The following EYA1 variants were observed in gnomAD, a reference collection of about 807,000 sequenced individuals.
EYA1 encodes the protein EYA transcriptional coactivator and phosphatase 1.
In EYA1, 16 loss-of-function variants were observed where a neutral mutation model predicts 82.0. The ratio of observed to expected loss-of-function variants is 0.20; its 90% CI spans 0.13 to 0.30. The LOEUF is 0.30. Among genes scored for constraint, EYA1 ranks in the 10% least tolerant of loss-of-function variants. The pLI, the probability that EYA1 is intolerant of heterozygous loss-of-function variation, is 1.00. For missense variants in EYA1, 633 were observed against 730.7 expected (o/e 0.87, Z 1.54); for synonymous variants, 261 against 264.4 (o/e 0.99, Z 0.12).
intron 2 of EYA1, among the ~76,000 whole-genome samples, chr8:71,409,951 T>G (rs943106585): frequency 6.9e-6 from 1 of 145,326 alleles, no homozygotes; most frequent in African/African-American, 2.5e-5. Flanking sequence ...ATATCCTTGA[T>G]GAACATTGAT....
At chr8:71,478,426 T>TA (rs1465924957) in intron 2 of EYA1, among the ~76,000 whole-genome samples, 1 of 151,882 alleles carries the variant, frequency 6.6e-6, no homozygotes, top group Non-Finnish European at 1.5e-5. Context: ...AACAGAGAGG[T>TA]AAAAAACAGA....
At chr8:71,412,228 G>T (rs1304694685) in intron 2 of EYA1, among the ~76,000 whole-genome samples, 23 of 112,204 alleles carry the variant, frequency 2.0e-4, no homozygotes, top group African/African-American at 7.7e-4. Flanking sequence ...GGGGACTGTG[G>T]TGGGGTGGGG....
At chr8:71,510,279 G>A (rs1304603007) in intron 2 of EYA1, among the ~76,000 whole-genome samples, 1 of 152,252 alleles carries the variant, frequency 6.6e-6, no homozygotes, top group South Asian at 2.1e-4. Context: ...AAACACAGCT[G>A]TCCAGCTGAA....
intron 12 of EYA1, among the ~76,000 whole-genome samples, chr8:71,223,502 T>C (rs979125701): frequency 6.6e-6 from 1 of 152,172 alleles, no homozygotes; most frequent in African/African-American, 2.4e-5. Flanking sequence ...GGAGCTGGAT[T>C]ATAAAATGCT....
intron 2 of EYA1, among the ~76,000 whole-genome samples, chr8:71,391,915 T>C (rs4421379): frequency 0.052 from 7,985 of 152,268 alleles, 555 homozygotes; most frequent in African/African-American, 0.16. Context: ...ACTTTCTCCT[T>C]TCTAGAATCC....
At chr8:71,275,079 A>G (rs554755262) in intron 9 of EYA1, among the ~76,000 whole-genome samples, 2 of 152,330 alleles carry the variant, frequency 1.3e-5, no homozygotes, top group Admixed American at 6.5e-5. Context: ...AAAGAATTCA[A>G]CAACGGAGTG....
At chr8:71,301,508 A>C (rs945027960) in intron 7 of EYA1, among the ~76,000 whole-genome samples, 4 of 152,194 alleles carry the variant, frequency 2.6e-5, no homozygotes, top group African/African-American at 9.7e-5. Flanking sequence ...TTACATATCT[A>C]AAATTCTATT....
chr8:71,318,548 T>TGGG (rs2129026985), intron 6 of EYA1, among the ~76,000 whole-genome samples: 1 of 152,290 alleles, frequency 6.6e-6, no homozygotes, highest in East Asian at 1.9e-4. Flanking sequence ...CACTGAGGTA[T>TGGG]GGGGCTCAGC....
intron 2 of EYA1, among the ~76,000 whole-genome samples, chr8:71,386,080 T>C (rs1056368395): frequency 2.0e-5 from 3 of 152,166 alleles, no homozygotes; most frequent in African/African-American, 7.2e-5. Context: ...CTTAGGAAAA[T>C]ATTTCTGTTT....
intron 2 of EYA1, among the ~76,000 whole-genome samples, chr8:71,432,069 G>A (rs1421204558): frequency 6.6e-6 from 1 of 152,188 alleles, no homozygotes; most frequent in African/African-American, 2.4e-5. Context: ...TCACTGGAAT[G>A]TCTCTTAGTT....
At chr8:71,465,496 G>A (rs982491012) in intron 2 of EYA1, among the ~76,000 whole-genome samples, 12 of 152,024 alleles carry the variant, frequency 7.9e-5, no homozygotes, top group East Asian at 1.9e-4. Context: ...GGTGGTGCAC[G>A]TCTGTAATCC....
chr8:71,337,035 T>A (rs2129049781), intron 3 of EYA1, among the ~76,000 whole-genome samples: 1 of 152,312 alleles, frequency 6.6e-6, no homozygotes, highest in Admixed American at 6.5e-5. Flanking sequence ...CAAAATTTTA[T>A]CCATCCCATT....
chr8:71,535,308 T>A (rs562282494), intron 2 of EYA1, among the ~76,000 whole-genome samples: 1 of 152,312 alleles, frequency 6.6e-6, no homozygotes, highest in South Asian at 2.1e-4. Context: ...CATCAAACTG[T>A]GAAACTTCTT....
intron 2 of EYA1, among the ~76,000 whole-genome samples, chr8:71,496,329 T>C (rs1349647543): frequency 6.6e-6 from 1 of 152,248 alleles, no homozygotes; most frequent in Non-Finnish European, 1.5e-5. Context: ...AGGTTTATTT[T>C]TGTTGGCAGC....
intron 1 of EYA1, among the ~76,000 whole-genome samples, chr8:71,545,953 T>G (rs548040865): frequency 6.6e-6 from 1 of 152,304 alleles, no homozygotes; most frequent in East Asian, 1.9e-4. Context: ...GTGCTCTCTC[T>G]TGATCAAGGA....
intron 2 of EYA1, among the ~76,000 whole-genome samples, chr8:71,435,729 T>G (rs1011052760): frequency 1.3e-5 from 2 of 152,124 alleles, no homozygotes; most frequent in Non-Finnish European, 2.9e-5. Flanking sequence ...CTACACAATT[T>G]CACGGAGAGG....
intron 2 of EYA1, among the ~76,000 whole-genome samples, chr8:71,496,486 G>A (rs940239394): frequency 6.6e-6 from 1 of 152,136 alleles, no homozygotes; most frequent in Non-Finnish European, 1.5e-5. Context: ...TAAGCGAAAC[G>A]TTATAGCTCT....
intron 2 of EYA1, among the ~76,000 whole-genome samples, chr8:71,371,395 C>T (rs1166917892): frequency 6.6e-6 from 1 of 152,124 alleles, no homozygotes; most frequent in East Asian, 1.9e-4. Flanking sequence ...AGGAAGGAGC[C>T]TACATTGATT....
At chr8:71,432,770 C>T (rs1482452152) in intron 2 of EYA1, among the ~76,000 whole-genome samples, 12 of 152,082 alleles carry the variant, frequency 7.9e-5, no homozygotes, top group Admixed American at 7.9e-4. Context: ...TGGGGGAATA[C>T]AATGCAGCCC....
Sources: gnomAD v4.1 joint callset for allele counts (sites outside exome capture counted in the v4.1 genomes callset) on GRCh38, gnomAD v4.1.1 for gene constraint, MANE v1.5 for transcripts, NCBI Gene and HGNC (gene_info 2026-07-23, HGNC 2026-07-21) for gene names.